Variants in ANKRD30B observed in about 807,000 individuals in gnomAD.
The protein encoded by ANKRD30B is ankyrin repeat domain 30B, also known as ankyrin repeat domain-containing protein 30B.
A neutral mutation model predicts 202.2 loss-of-function variants in ANKRD30B; 144 were observed. That is an observed-to-expected ratio of 0.71 (90% CI 0.62 to 0.82). The LOEUF (loss-of-function observed/expected upper bound fraction) is 0.82. Among genes scored for constraint, ANKRD30B ranks in the 40% least tolerant of loss-of-function variants. ANKRD30B has a pLI of 0.00. For missense variants in ANKRD30B, 1,487 were observed against 1,669.1 expected, an observed-to-expected ratio of 0.89 and a Z score of 1.90; for synonymous variants, 508 against 561.3, an observed-to-expected ratio of 0.91 and a Z score of 1.34.
intron 7 of ANKRD30B, 36 bp from the exon 8 acceptor site, chr18:14,769,307 G>T: frequency 7.1e-7 from 1 of 1,413,612 alleles, no homozygotes; most frequent in Non-Finnish European, 9.7e-7. Flanking sequence ...ATTTATATTT[G>T]TTAATTTAAT....
At chr18:14,872,108 A>G in the ANKRD30B span, among the ~76,000 whole-genome samples, 1 of 152,172 alleles carries the variant, frequency 6.6e-6, no homozygotes, top group Non-Finnish European at 1.5e-5. Flanking sequence ...CACCAGAACC[A>G]GAGCCCTAGG....
chr18:14,881,736 C>CT, the ANKRD30B span, among the ~76,000 whole-genome samples: 515 of 145,592 alleles, frequency 3.5e-3, 3 homozygotes, highest in Non-Finnish European at 5.9e-3. Context: ...TGGTCCTCGG[C>CT]TTTTTTTTTT....
chr18:14,879,652 TA>T, the ANKRD30B span, among the ~76,000 whole-genome samples: 50 of 151,068 alleles, frequency 3.3e-4, no homozygotes, highest in Non-Finnish European at 2.7e-4. Flanking sequence ...CGTTTAGAGT[TA>T]GGGGTTAAGA....
the ANKRD30B span, chr18:14,910,001 T>C: frequency 6.6e-6 from 1 of 151,104 alleles, no homozygotes; most frequent in Non-Finnish European, 1.5e-5. Context: ...CACTGGTCAA[T>C]AAAAAAAAAT....
the ANKRD30B span, among the ~76,000 whole-genome samples, chr18:14,861,848 C>T: frequency 6.6e-6 from 1 of 152,108 alleles, no homozygotes; most frequent in Admixed American, 6.5e-5. Flanking sequence ...TTCTCATTTG[C>T]ACATGGAACA....
chr18:14,824,723 T>C (rs1246855631), intron 32 of ANKRD30B, among the ~76,000 whole-genome samples: 1 of 152,230 alleles, frequency 6.6e-6, no homozygotes. Context: ...TAGATTTAAG[T>C]ATCAGAGCAT....
the ANKRD30B span, among the ~76,000 whole-genome samples, chr18:14,872,471 T>A: frequency 6.6e-6 from 1 of 152,160 alleles, no homozygotes. Context: ...TATCAACTTA[T>A]CCATTTAACA....
At chr18:14,914,448 A>T in the ANKRD30B span, among the ~76,000 whole-genome samples, 2 of 152,144 alleles carry the variant, frequency 1.3e-5, no homozygotes, top group African/African-American at 4.8e-5. Flanking sequence ...AAGACCAGAG[A>T]GCTCTGGGAA....
intron 9 of ANKRD30B, among the ~76,000 whole-genome samples, chr18:14,773,935 G>A (rs1967187628): frequency 6.6e-6 from 1 of 152,034 alleles, no homozygotes; most frequent in Admixed American, 6.6e-5. Flanking sequence ...ATTACAGCTT[G>A]AGCCCCCGCG....
At chr18:14,848,683 A>T (rs1568074365) in intron 39 of ANKRD30B, 33 bp from the exon 40 acceptor site, 1 of 1,419,888 alleles carries the variant, frequency 7.0e-7, no homozygotes, top group Non-Finnish European at 9.3e-7. Flanking sequence ...AAAAGTACTA[A>T]TATATTTTAT....
downstream of ANKRD30B, among the ~76,000 whole-genome samples, chr18:14,856,835 GACA>G (rs1972122974): frequency 1.4e-5 from 1 of 73,812 alleles, no homozygotes; most frequent in South Asian, 5.2e-4. Flanking sequence ...TCACCTCCCA[GACA>G]ATGGGCAGCC....
intron 40 of ANKRD30B, among the ~76,000 whole-genome samples, chr18:14,849,223 GCTACAAGACATAA>G (rs1971784378): frequency 6.6e-6 from 1 of 151,722 alleles, no homozygotes; most frequent in Non-Finnish European, 1.5e-5. Flanking sequence ...TATTATAAAT[GCTACAAGACATAA>G]CTGCATGTAA....
chr18:14,825,520 T>A (rs1970622217), intron 32 of ANKRD30B, among the ~76,000 whole-genome samples: 1 of 151,864 alleles, frequency 6.6e-6, no homozygotes, highest in Non-Finnish European at 1.5e-5. Flanking sequence ...GGTATTTAGA[T>A]AAACTCCTCC....
At chr18:14,830,360 A>C (rs1299418507) in intron 33 of ANKRD30B, 1 of 152,532 alleles carries the variant, frequency 6.6e-6, no homozygotes, top group Non-Finnish European at 1.5e-5. Flanking sequence ...AGACCTGAAC[A>C]AGGAAGGAAA....
the ANKRD30B span, among the ~76,000 whole-genome samples, chr18:14,930,878 G>A: frequency 3.3e-5 from 5 of 152,172 alleles, no homozygotes; most frequent in African/African-American, 1.2e-4. Context: ...CCTAGTTGTG[G>A]CTAATTAAAG....
Position 14,748,349 on chromosome 18 carries a change from G to C in ANKRD30B, c.-71G>C, listed in dbSNP as rs551819888. On this transcript the variant is annotated 5_prime_UTR_variant, in exon 1 of 44. Transcript: ENST00000690538. ...TGCTGGGGAAGGGTAAGCGGGAAGCGAGGGCGAGGGGTAGGGGCTGGGGAA... is the reference window on the plus strand; with the variant it reads ...TGCTGGGGAAGGGTAAGCGGGAAGCCAGGGCGAGGGGTAGGGGCTGGGGAA... 2.3e-6 allele frequency: 3 copies of C among 1,303,926 alleles called. No individual in the cohort carries two copies. The highest frequency in any genetic ancestry group is 3.2e-5 in the Admixed American group (1 of 30,908). 80.8% of individuals were successfully genotyped at this position (1,303,926 alleles called of 1,614,324 possible).
chr18:14,855,538 C>G (rs558543978), downstream of ANKRD30B, among the ~76,000 whole-genome samples: 52 of 151,354 alleles, frequency 3.4e-4, no homozygotes, highest in African/African-American at 1.2e-3. Context: ...AGAGGCGCTC[C>G]TCACTTCCCA....
intron 39 of ANKRD30B, among the ~76,000 whole-genome samples, chr18:14,844,792 G>A (rs11878069): frequency 0.012 from 1,750 of 152,100 alleles, 38 homozygotes; most frequent in African/African-American, 0.04. Context: ...GGTGTGAGAT[G>A]GTATCTCATT....
the ANKRD30B span, among the ~76,000 whole-genome samples, chr18:14,900,255 A>T: frequency 6.6e-6 from 1 of 152,172 alleles, no homozygotes; most frequent in Non-Finnish European, 1.5e-5. Context: ...GTATATTAAA[A>T]TTTATGGTAC....
Sources: allele counts gnomAD v4.1 joint callset (sites outside exome capture counted in the v4.1 genomes callset), GRCh38; gene constraint gnomAD v4.1.1; transcripts MANE v1.5; gene names NCBI Gene and HGNC (gene_info 2026-07-23, HGNC 2026-07-21).